The following ZFAT variants were observed in gnomAD, a reference collection of about 807,000 sequenced individuals.
The protein encoded by ZFAT is zinc finger and AT-hook domain containing.
Under a neutral mutation model 117.7 loss-of-function variants are expected in ZFAT, and 64 were observed. That is an observed-to-expected ratio of 0.54 (90% CI 0.44 to 0.67). The LOEUF (loss-of-function observed/expected upper bound fraction) is 0.67. Among genes scored for constraint, ZFAT ranks in the 30% least tolerant of loss-of-function variants. The probability of loss-of-function intolerance (pLI) is 0.00; values close to 1 mark genes in which losing one functional copy is unlikely to be tolerated. For missense variants in ZFAT, 1,433 were observed against 1,584.5 expected (o/e 0.90, Z 1.62); for synonymous variants, 679 against 615.0 (o/e 1.10, Z -1.54).
the ZFAT span, among the ~76,000 whole-genome samples, chr8:134,753,029 T>G: frequency 6.6e-6 from 1 of 152,182 alleles, no homozygotes; most frequent in Non-Finnish European, 1.5e-5. Flanking sequence ...GTAGAGCACC[T>G]ATGGTATCAG....
the ZFAT span, among the ~76,000 whole-genome samples, chr8:134,719,081 C>G: frequency 6.6e-6 from 1 of 152,334 alleles, no homozygotes; most frequent in South Asian, 2.1e-4. Flanking sequence ...AAGAAACCGG[C>G]TAGAGCAGAC....
At chr8:134,652,019 T>C (rs1831273526) in intron 2 of ZFAT, among the ~76,000 whole-genome samples, 1 of 151,410 alleles carries the variant, frequency 6.6e-6, no homozygotes, top group African/African-American at 2.4e-5. Context: ...AAATATATAT[T>C]AAAAATAAAG....
chr8:134,680,184 C>T (rs1473661251), intron 1 of ZFAT, among the ~76,000 whole-genome samples: 1 of 150,848 alleles, frequency 6.6e-6, no homozygotes, highest in Non-Finnish European at 1.5e-5. Context: ...ATCGCTTGAA[C>T]CCTGGAGGCA....
the ZFAT span, among the ~76,000 whole-genome samples, chr8:134,742,842 G>A: frequency 7.9e-5 from 12 of 152,296 alleles, no homozygotes; most frequent in African/African-American, 2.9e-4. Flanking sequence ...CTGAGTGGCG[G>A]TTGCAGTTAA....
chr8:134,615,768 A>C (rs1244134536), intron 3 of ZFAT, among the ~76,000 whole-genome samples: 1 of 152,262 alleles, frequency 6.6e-6, no homozygotes, highest in Non-Finnish European at 1.5e-5. Context: ...CAGTCCACGG[A>C]CATTACATTC....
Position 134,512,716 on chromosome 8 carries a change from C to T in ZFAT, c.3235-115G>A, listed in dbSNP as rs146687973. 4,539 of 1,321,394 alleles carry T rather than the reference C, an allele frequency of 3.4e-3. 10 individuals are homozygous for T. The highest frequency in any genetic ancestry group is 4.0e-3 in the Non-Finnish European group (3,898 of 985,338). 81.9% of individuals were successfully genotyped at this position (1,321,394 alleles called of 1,614,324 possible). On this transcript the variant is annotated intron_variant, in intron 13 of 15. Coordinates refer to ENST00000377838, the MANE Select transcript of ZFAT (RefSeq NM_020863.4). ...CATATAAGAAAGCAATACATTGCAA[C>T]ATCTCATTTACCTGGCACCCCTGAG...
the ZFAT span, chr8:134,785,044 T>C: frequency 6.6e-6 from 1 of 152,242 alleles, no homozygotes; most frequent in Non-Finnish European, 1.5e-5. Context: ...AAGCAATATG[T>C]AATTTCAACT....
chr8:134,712,572 C>T (rs1366688328), intron 1 of ZFAT, among the ~76,000 whole-genome samples: 1 of 151,810 alleles, frequency 6.6e-6, no homozygotes, highest in Non-Finnish European at 1.5e-5. Context: ...CAACGCCACC[C>T]ATTGCCGTGG....
At chr8:134,629,625 T>C (rs1238423814) in intron 3 of ZFAT, among the ~76,000 whole-genome samples, 1 of 152,118 alleles carries the variant, frequency 6.6e-6, no homozygotes, top group African/African-American at 2.4e-5. Flanking sequence ...GATATGATGG[T>C]TTAAAAGTGT....
At position 134,653,270 on chromosome 8, in the gene ZFAT, T is replaced by A. The variant is rs1044863991; in HGVS notation, c.196+4291A>T. 2.7e-3 allele frequency among the ~76,000 whole-genome samples: 248 copies of A among 91,854 alleles called. 4 individuals carry two copies. The highest frequency in any genetic ancestry group is 0.018 in the East Asian group (48 of 2,698). 60.3% of individuals were successfully genotyped at this position (91,854 alleles called of 152,430 possible). A position where few individuals can be genotyped will look rare whatever the true frequency, so the allele number is the denominator to read the frequency against. On this transcript the variant is annotated intron_variant, in intron 2 of 15. Transcript: ENST00000377838. ...TTGGAACCAACCCAAATGTCTTTTT[T>A]AAAAAAAAAAAAAAAAAAAAACAAA...
At chr8:134,620,094 G>T (rs932801844) in intron 3 of ZFAT, among the ~76,000 whole-genome samples, 1 of 152,214 alleles carries the variant, frequency 6.6e-6, no homozygotes, top group Non-Finnish European at 1.5e-5. Context: ...GGCCTGGCTA[G>T]TGGACTATAA....
rs201972924 is a variant in ZFAT at position 134,602,345 on chromosome 8, G to T, written c.1374C>A (p.Tyr458Ter). ...ACTTCTTGCGGCAGACGGCACAGAC[G>T]TACACGAAGGGGTGCTTCCTGACAT... is the stretch of plus-strand genomic sequence containing the variant. Reference protein sequence around the residue: ...ELHVRKHPFVYVCAVCRKKFV... With the variant: ...ELHVRKHPFV The change falls in exon 6 of 16, where the codon TAC becomes TAA. Residue 458 changes from tyrosine to a stop codon, truncating the protein, a stop_gained. Transcript: ENST00000377838. LOFTEE classifies it high-confidence loss of function. 6.2e-7 allele frequency: 1 copy of T among 1,613,846 alleles called. No homozygotes were observed. The highest frequency in any genetic ancestry group is 2.2e-5 in the East Asian group (1 of 44,886).
At chr8:134,538,706 A>G (rs543888898) in intron 11 of ZFAT, among the ~76,000 whole-genome samples, 1 of 151,316 alleles carries the variant, frequency 6.6e-6, no homozygotes, top group South Asian at 2.1e-4. Context: ...TTGAGGCACG[A>G]GAATTGCTTG....
At chr8:134,670,884 G>A (rs1268453501) in intron 1 of ZFAT, among the ~76,000 whole-genome samples, 2 of 152,002 alleles carry the variant, frequency 1.3e-5, no homozygotes, top group Non-Finnish European at 2.9e-5. Context: ...AAACAGAGAA[G>A]AATCAAATAG....
rs1046421400 is a variant in ZFAT at position 134,696,480 on chromosome 8, G to A, written c.19+16365C>T. The A allele has an allele frequency of 1.8e-5, 18 of 985,648 alleles. No homozygotes were observed. In the Admixed American group the frequency reaches 2.5e-4, roughly 13 times the overall value. The allele number at this position is 985,648 out of a possible 1,614,324, so 61.1% of individuals were successfully genotyped here. On this transcript the variant is annotated intron_variant, in intron 1 of 15. Coordinates refer to ENST00000377838, the MANE Select transcript of ZFAT (RefSeq NM_020863.4). ...AGTAGGAGGGATGCTGGGCGCCTCC[G>A]CCGCTTCCCACGGAGCATGCAGAGG...
At chr8:134,642,346 CCT>C (rs1361762019) in intron 2 of ZFAT, among the ~76,000 whole-genome samples, 1 of 152,134 alleles carries the variant, frequency 6.6e-6, no homozygotes, top group African/African-American at 2.4e-5. Flanking sequence ...TCAAATCTCC[CCT>C]GAGCCTCCGT....
At chr8:134,572,793 C>A (rs1427065490) in intron 10 of ZFAT, among the ~76,000 whole-genome samples, 1 of 143,324 alleles carries the variant, frequency 7.0e-6, no homozygotes, top group Non-Finnish European at 1.5e-5. Flanking sequence ...AAGAATATTG[C>A]CACGGTGGGG....
At chr8:134,826,302 T>A in the ZFAT span, among the ~76,000 whole-genome samples, 6 of 152,238 alleles carry the variant, frequency 3.9e-5, no homozygotes, top group Non-Finnish European at 8.8e-5. Flanking sequence ...TCATTTCTAC[T>A]TCTTTCAACT....
At chr8:134,710,528 C>T (rs1813955028) in intron 1 of ZFAT, among the ~76,000 whole-genome samples, 1 of 152,240 alleles carries the variant, frequency 6.6e-6, no homozygotes, top group African/African-American at 2.4e-5. Context: ...ATCTAAATTG[C>T]AATCCCCTAT....
Sources: allele counts gnomAD v4.1 joint callset (sites outside exome capture counted in the v4.1 genomes callset), GRCh38; gene constraint gnomAD v4.1.1; transcripts MANE v1.5; gene names NCBI Gene and HGNC (gene_info 2026-07-23, HGNC 2026-07-21).